The following XIRP2 variants were observed in gnomAD, a reference collection of about 807,000 sequenced individuals.
The protein encoded by XIRP2 is xin actin binding repeat containing 2, also known as xin actin-binding repeat-containing protein 2.
A neutral mutation model predicts 277.0 loss-of-function variants in XIRP2; 236 were observed. The ratio of observed to expected loss-of-function variants is 0.85; its 90% confidence interval spans 0.77 to 0.95. The LOEUF is 0.95. Among genes scored for constraint, XIRP2 ranks in the 40% least tolerant of loss-of-function variants. The pLI is 0.00. For missense variants in XIRP2, 4,640 were observed against 4,157.5 expected, an observed-to-expected ratio of 1.12 and a Z score of -3.19; for synonymous variants, 1,490 against 1,416.5, an observed-to-expected ratio of 1.05 and a Z score of -1.17.
At chr2:166,927,798 T>G (rs192295944) in intron 2 of XIRP2, among the ~76,000 whole-genome samples, 146 of 152,184 alleles carry the variant, frequency 9.6e-4, no homozygotes, top group East Asian at 8.5e-3. Context: ...GATGTGTGTG[T>G]GGGGGGATGG....
At chr2:166,917,318 C>A (rs1048025840) in intron 2 of XIRP2, among the ~76,000 whole-genome samples, 2 of 152,088 alleles carry the variant, frequency 1.3e-5, no homozygotes, top group African/African-American at 2.4e-5. Context: ...TTTATTAAAA[C>A]CATAGACAGA....
At chr2:167,027,102 C>A (rs1172091688) in intron 2 of XIRP2, among the ~76,000 whole-genome samples, 2 of 152,118 alleles carry the variant, frequency 1.3e-5, no homozygotes, top group Non-Finnish European at 2.9e-5. Flanking sequence ...AGAGTGTTTT[C>A]CATCTTGGTT....
intron 2 of XIRP2, among the ~76,000 whole-genome samples, chr2:166,962,332 G>A (rs1686320320): frequency 6.6e-6 from 1 of 151,606 alleles, no homozygotes; most frequent in Admixed American, 6.6e-5. Flanking sequence ...AACTGTATAA[G>A]CAGAACCACA....
Position 167,248,708 on chromosome 2 carries a change from A to AT in XIRP2, c.7321dup (p.Ser2441PhefsTer5). On this transcript the variant is annotated frameshift_variant, in exon 9 of 11. Coordinates refer to ENST00000409195, the MANE Select transcript of XIRP2 (RefSeq NM_152381.6). LOFTEE classifies it high-confidence loss of function. Reference sequence around the variant, plus strand: ...AAGCATATAAAAGATAATAAGAACGATTTTTCCCCCAAAGTTGAACTGGCA... The same window carrying AT: ...AAGCATATAAAAGATAATAAGAACGATTTTTTCCCCCAAAGTTGAACTGGCA... 2.5e-6 allele frequency: 4 copies of AT among 1,613,700 alleles called. No individual in the cohort carries two copies. Among genetic ancestry groups the AT allele is most frequent in the Non-Finnish European group, 3.4e-6 (4 of 1,179,818 alleles).
intron 3 of XIRP2, among the ~76,000 whole-genome samples, chr2:167,198,573 G>A (rs77734437): frequency 0.029 from 4,404 of 152,108 alleles, 97 homozygotes; most frequent in African/African-American, 0.053. Flanking sequence ...TTAACATTTC[G>A]GTTTAACATT....
chr2:167,111,680 G>A (rs751178037), intron 2 of XIRP2, among the ~76,000 whole-genome samples: 15 of 152,010 alleles, frequency 9.9e-5, no homozygotes, highest in East Asian at 3.9e-4. Context: ...GATGCTGCTC[G>A]TCTCATAGAA....
intron 3 of XIRP2, among the ~76,000 whole-genome samples, chr2:167,171,234 T>A (rs1450612024): frequency 3.9e-5 from 6 of 152,172 alleles, no homozygotes; most frequent in African/African-American, 1.4e-4. Flanking sequence ...GCGCTAAAAA[T>A]GTCTGGCTAG....
rs1425725264 is a variant in XIRP2 at position 167,246,673 on chromosome 2, C to A, written c.5281C>A (p.Leu1761Ile). ...EAGALDYLKQ[L>I]HTESNETLTA... ...TGGAGCTTTGGATTATCTGAAACAA[C>A]TCCACACAGAGTCAAATGAAACACT... The change falls in exon 9 of 11, where the codon CTC (leucine) becomes ATC (isoleucine). Residue 1761 changes from leucine to isoleucine, a missense_variant. By Grantham distance (5) the Leu-to-Ile change is conservative. Coordinates refer to ENST00000409195, the MANE Select transcript of XIRP2 (RefSeq NM_152381.6). The A allele has an allele frequency of 1.2e-6, 2 of 1,613,720 alleles. No individual in the cohort carries two copies. Among genetic ancestry groups the A allele is most frequent in the South Asian group, 2.2e-5 (2 of 91,062 alleles).
intron 8 of XIRP2, 150 bp downstream of exon 8, chr2:167,242,060 C>A: frequency 9.8e-7 from 1 of 1,018,266 alleles, no homozygotes; most frequent in Non-Finnish European, 1.3e-6. Context: ...AGAATATTGA[C>A]CTGCATGCAA....
intron 2 of XIRP2, among the ~76,000 whole-genome samples, chr2:166,971,787 T>C (rs1686584104): frequency 1.3e-5 from 2 of 152,114 alleles, no homozygotes; most frequent in Non-Finnish European, 2.9e-5. Flanking sequence ...TATTCATATC[T>C]GAGGTGGGGA....
chr2:166,908,795 A>C (rs1684611985), intron 2 of XIRP2, among the ~76,000 whole-genome samples: 1 of 152,232 alleles, frequency 6.6e-6, no homozygotes, highest in African/African-American at 2.4e-5. Context: ...TTTTTCATAT[A>C]AGGTGTAGGG....
At chr2:167,097,868 T>C (rs1019665273) in intron 2 of XIRP2, among the ~76,000 whole-genome samples, 1 of 152,228 alleles carries the variant, frequency 6.6e-6, no homozygotes, top group African/African-American at 2.4e-5. Flanking sequence ...TAATGTTGAA[T>C]ATTGGCCCCC....
intron 3 of XIRP2, among the ~76,000 whole-genome samples, chr2:167,189,182 A>G (rs1693250462): frequency 6.6e-6 from 1 of 152,150 alleles, no homozygotes; most frequent in Non-Finnish European, 1.5e-5. Flanking sequence ...TGATTAGGCA[A>G]TGTGGAGTTG....
intron 2 of XIRP2, among the ~76,000 whole-genome samples, chr2:167,057,788 A>G (rs1689073056): frequency 6.6e-6 from 1 of 152,106 alleles, no homozygotes; most frequent in South Asian, 2.1e-4. Flanking sequence ...ATAAGCCAAA[A>G]CATATTAGAA....
intron 2 of XIRP2, among the ~76,000 whole-genome samples, chr2:166,999,802 C>T (rs757319470): frequency 6.6e-6 from 1 of 152,022 alleles, no homozygotes; most frequent in Admixed American, 6.6e-5. Context: ...ACTAAAAATT[C>T]AAGAGCATTT....
chr2:167,088,715 G>A (rs111717413), intron 2 of XIRP2, among the ~76,000 whole-genome samples: 143 of 152,200 alleles, frequency 9.4e-4, no homozygotes, highest in African/African-American at 3.3e-3. Flanking sequence ...CAAATCCCTA[G>A]CACATGCTCC....
At chr2:166,917,401 G>A (rs1684917775) in intron 2 of XIRP2, among the ~76,000 whole-genome samples, 1 of 152,114 alleles carries the variant, frequency 6.6e-6, no homozygotes, top group Non-Finnish European at 1.5e-5. Flanking sequence ...TTTCTTTGTG[G>A]TGTAATTTGT....
At chr2:167,085,153 CGTT>C (rs1262514875) in intron 2 of XIRP2, among the ~76,000 whole-genome samples, 1 of 150,582 alleles carries the variant, frequency 6.6e-6, no homozygotes, top group Non-Finnish European at 1.5e-5. Context: ...TCTTTGGTCT[CGTT>C]GGTTTCAAAG....
intron 2 of XIRP2, among the ~76,000 whole-genome samples, chr2:166,911,034 T>A: frequency 6.6e-6 from 1 of 152,192 alleles, no homozygotes. Flanking sequence ...TACTTCCAAC[T>A]ATGTGGTCAA....
Sources: gnomAD v4.1 joint callset for allele counts (sites outside exome capture counted in the v4.1 genomes callset) on GRCh38, gnomAD v4.1.1 for gene constraint, MANE v1.5 for transcripts, NCBI Gene and HGNC (gene_info 2026-07-23, HGNC 2026-07-21) for gene names.